JAM3: variants seen among roughly 807,000 people sequenced by gnomAD.
The protein encoded by JAM3 is junctional adhesion molecule C.
In JAM3, 31 loss-of-function variants were observed where a neutral mutation model predicts 39.4. The ratio of observed to expected loss-of-function variants is 0.79; its 90% CI spans 0.59 to 1.06. The LOEUF is 1.06. Ranked by LOEUF, JAM3 falls within the 50% of genes least tolerant of loss-of-function variation. The probability of loss-of-function intolerance (pLI) is 0.00; values close to 1 mark genes in which losing one functional copy is unlikely to be tolerated. For missense variants in JAM3, 455 were observed against 391.4 expected, an observed-to-expected ratio of 1.16 and a Z score of -1.37; for synonymous variants, 182 against 148.7, an observed-to-expected ratio of 1.22 and a Z score of -1.63.
chr11:134,108,793 G>T (rs1165140674), intron 1 of JAM3, among the ~76,000 whole-genome samples: 1 of 152,124 alleles, frequency 6.6e-6, no homozygotes, highest in Non-Finnish European at 1.5e-5. Flanking sequence ...TCCTGAGACA[G>T]ACAACAGCAA....
intron 1 of JAM3, among the ~76,000 whole-genome samples, chr11:134,105,773 T>A (rs1167781354): frequency 1.3e-5 from 2 of 152,074 alleles, no homozygotes; most frequent in African/African-American, 2.4e-5. Context: ...ATAAAATACC[T>A]AGGAATCCAA....
At chr11:134,096,703 A>C (rs949440929) in intron 1 of JAM3, among the ~76,000 whole-genome samples, 4 of 152,134 alleles carry the variant, frequency 2.6e-5, no homozygotes, top group Admixed American at 6.6e-5. Flanking sequence ...TGACGTTTCC[A>C]GCTATGGTTT....
At chr11:134,084,211 C>CT (rs1483040247) in intron 1 of JAM3, among the ~76,000 whole-genome samples, 1 of 152,174 alleles carries the variant, frequency 6.6e-6, no homozygotes, top group Non-Finnish European at 1.5e-5. Flanking sequence ...CTGTTCATCT[C>CT]TTAACTCATT....
intron 1 of JAM3, among the ~76,000 whole-genome samples, chr11:134,077,538 A>G (rs1314640206): frequency 7.0e-6 from 1 of 143,432 alleles, no homozygotes; most frequent in Non-Finnish European, 1.5e-5. Flanking sequence ...TAATTTTTGT[A>G]TTTTTAGTAG....
rs1337376777 is a variant in JAM3 at position 134,150,536 on chromosome 11, A to G, written c.*1355A>G. On this transcript the variant is annotated 3_prime_UTR_variant, in exon 9 of 9. Coordinates refer to ENST00000299106, the MANE Select transcript of JAM3 (RefSeq NM_032801.5). ...CATCCAGCACAGCTCTCAGGTGGGC[A>G]CTGCAGGGACACTGGTGTCTTCCAT... The G allele has an allele frequency of 1.3e-5, 2 of 152,086 alleles. No homozygotes were observed. The highest frequency in any genetic ancestry group is 2.9e-5 in the Non-Finnish European group (2 of 68,030). The allele number at this position is 152,086 out of a possible 1,614,324, so 9.4% of individuals were successfully genotyped here.
In JAM3 at chr11:134,147,459, C is replaced by CAAAAAA. The variant is rs557379286; in HGVS notation, c.713-1074_713-1069dup. ...ACGGTGACGGAGCAAGACTCTGTCT[C>CAAAAAA]AAAAAAAAAAAAAAAAAAACGATTG... On this transcript the variant is annotated intron_variant, in intron 6 of 8. Coordinates refer to ENST00000299106, the MANE Select transcript of JAM3 (RefSeq NM_032801.5). Among the ~76,000 whole-genome samples the CAAAAAA allele has an allele frequency of 5.7e-3, 402 of 70,826 alleles. 4 individuals are homozygous for CAAAAAA. The highest frequency in any genetic ancestry group is 0.015 in the African/African-American group (312 of 20,528). 46.5% of individuals were successfully genotyped at this position (70,826 alleles called of 152,430 possible). A position where few individuals can be genotyped will look rare whatever the true frequency, so the allele number is the denominator to read the frequency against.
Position 134,139,966 on chromosome 11 carries a change from T to C in JAM3, c.142+50T>C, listed in dbSNP as rs758927263. ...ATAATGGGCACCATCTACTGGACAT[T>C]TGATGTCTTGCAGCCAACTCAGGAC... On this transcript the variant is annotated intron_variant, in intron 2 of 8. Transcript: ENST00000299106. The C allele has an allele frequency of 2.9e-6, 4 of 1,391,540 alleles. No individual in the cohort carries two copies. In the African/African-American group the frequency reaches 5.7e-5, roughly 20 times the overall value. The allele number at this position is 1,391,540 out of a possible 1,614,324, so 86.2% of individuals were successfully genotyped here.
In JAM3 at chr11:134,113,197, TGG is replaced by T. The variant is rs1491284143; in HGVS notation, c.77-26653_77-26652del. The stretch of plus-strand genomic sequence containing the variant: ...ATGTGGGTTCTGGGACTGGACTGTC[TGG>T]TTTTTTTTTTTTTTAATACTTTAAG... On this transcript the variant is annotated intron_variant, in intron 1 of 8. Coordinates refer to ENST00000299106, the MANE Select transcript of JAM3 (RefSeq NM_032801.5). 7.6e-3 allele frequency among the ~76,000 whole-genome samples: 957 copies of T among 125,706 alleles called. 2 individuals are homozygous for T. Among genetic ancestry groups the T allele is most frequent in the Non-Finnish European group, 0.012 (732 of 61,622 alleles). The allele number at this position is 125,706 out of a possible 152,430, so 82.5% of individuals were successfully genotyped here. A position where few individuals can be genotyped will look rare whatever the true frequency, so the allele number is the denominator to read the frequency against.
At chr11:134,114,096 C>G (rs574194215) in intron 1 of JAM3, among the ~76,000 whole-genome samples, 2 of 152,166 alleles carry the variant, frequency 1.3e-5, no homozygotes, top group East Asian at 3.9e-4. Context: ...GATATTAGCC[C>G]TTTGTCAGAT....
intron 1 of JAM3, among the ~76,000 whole-genome samples, chr11:134,099,830 C>T (rs1942043032): frequency 6.6e-6 from 1 of 152,180 alleles, no homozygotes; most frequent in Non-Finnish European, 1.5e-5. Flanking sequence ...TGGTCTCGAA[C>T]TCCAGACCTC....
At chr11:134,104,870 A>G (rs1293103656) in intron 1 of JAM3, among the ~76,000 whole-genome samples, 1 of 152,170 alleles carries the variant, frequency 6.6e-6, no homozygotes, top group Non-Finnish European at 1.5e-5. Context: ...TTAATAGCCT[A>G]CCAACCAAAA....
At chr11:134,144,767 A>G (rs1344499454) in intron 4 of JAM3, 25 bp from the exon 5 acceptor site, 6 of 1,565,800 alleles carry the variant, frequency 3.8e-6, no homozygotes, top group Admixed American at 3.4e-5. Flanking sequence ...CTGAGATCTT[A>G]AACACCACCC....
intron 3 of JAM3, among the ~76,000 whole-genome samples, chr11:134,142,265 T>C (rs1374100578): frequency 6.6e-6 from 1 of 152,162 alleles, no homozygotes; most frequent in East Asian, 1.9e-4. Context: ...CAGCTGTACT[T>C]GGCCTCTTTC....
intron 1 of JAM3, among the ~76,000 whole-genome samples, chr11:134,070,976 GTAGCTATCTTTTTTT>G (rs1311808555): frequency 6.6e-6 from 1 of 152,166 alleles, no homozygotes; most frequent in African/African-American, 2.4e-5. Context: ...TTGAAGGCGT[GTAGCTATCTTTTTTT>G]TAGTAGGGGC....
chr11:134,116,676 G>A (rs1299500669), intron 1 of JAM3, among the ~76,000 whole-genome samples: 1 of 151,346 alleles, frequency 6.6e-6, no homozygotes, highest in South Asian at 2.1e-4. Flanking sequence ...CTAGAGAATG[G>A]TATATGGGAA....
At chr11:134,099,579 C>T (rs1942038908) in intron 1 of JAM3, among the ~76,000 whole-genome samples, 1 of 152,116 alleles carries the variant, frequency 6.6e-6, no homozygotes, top group Non-Finnish European at 1.5e-5. Context: ...GATTTCTGCC[C>T]TTTGCCTCCT....
rs371801496 is a variant in JAM3, at chr11:134,125,748, C to A, written c.77-14103C>A. Among the ~76,000 whole-genome samples the A allele has an allele frequency of 3.3e-5, 5 of 152,352 alleles. No individual in the cohort carries two copies. The East Asian group carries it at 9.6e-4, about 29-fold the overall frequency. Reference sequence around the variant, plus strand: ...ACAGCTCGTTCAAGTCCCAGCAGCACTGTGTGCTCATCCTGTAGCTCCTTC... The same window carrying A: ...ACAGCTCGTTCAAGTCCCAGCAGCAATGTGTGCTCATCCTGTAGCTCCTTC... On this transcript the variant is annotated intron_variant, in intron 1 of 8. Transcript: ENST00000299106.
At chr11:134,098,794 T>C (rs1317323322) in intron 1 of JAM3, among the ~76,000 whole-genome samples, 1 of 152,146 alleles carries the variant, frequency 6.6e-6, no homozygotes, top group Non-Finnish European at 1.5e-5. Flanking sequence ...TTGTGAGGGA[T>C]AGCTCAGTAA....
chr11:134,144,261 GA>G lies in JAM3; in HGVS notation c.280del (p.Ile94TyrfsTer7). On this transcript the variant is annotated frameshift_variant, in exon 4 of 9. Transcript: ENST00000299106. LOFTEE classifies it high-confidence loss of function. ...KIQGDLAGRA[E>X]ILGKTSLKIW... ...TGTAGGAGACTTGGCGGGTCGTGCAGAAATACTGGGGAAGACATCCCTGAAG... is the reference window on the plus strand; with the variant it reads ...TGTAGGAGACTTGGCGGGTCGTGCAGAATACTGGGGAAGACATCCCTGAAG... The G allele has an allele frequency of 1.2e-6, 2 of 1,614,210 alleles. No individual in the cohort carries two copies. The highest frequency in any genetic ancestry group is 1.7e-6 in the Non-Finnish European group (2 of 1,180,042).
Sources: gnomAD v4.1 joint callset for allele counts (sites outside exome capture counted in the v4.1 genomes callset) on GRCh38, gnomAD v4.1.1 for gene constraint, MANE v1.5 for transcripts, NCBI Gene and HGNC (gene_info 2026-07-23, HGNC 2026-07-21) for gene names.